Variants in IL20RA observed in about 807,000 individuals in gnomAD.
The protein encoded by IL20RA is interleukin 20 receptor subunit alpha.
IL20RA carries 29 observed loss-of-function variants against 36.5 expected under a neutral mutation model. The ratio of observed to expected loss-of-function variants is 0.79; its 90% CI spans 0.59 to 1.08. IL20RA has a LOEUF of 1.08. Among genes scored for constraint, IL20RA ranks in the 50% least tolerant of loss-of-function variants. IL20RA has a pLI of 0.00. For synonymous variants in IL20RA, 279 were observed against 267.1 expected, an observed-to-expected ratio of 1.04 and a Z score of -0.43; for missense variants, 652 against 668.4, an observed-to-expected ratio of 0.98 and a Z score of 0.27.
chr6:137,027,686 A>G (rs537809445), intron 1 of IL20RA, among the ~76,000 whole-genome samples: 1 of 152,362 alleles, frequency 6.6e-6, no homozygotes, highest in South Asian at 2.1e-4. Context: ...GCACAAAGAA[A>G]GAGCTCAGGA....
At chr6:137,023,759 C>T (rs1014779681) in intron 1 of IL20RA, among the ~76,000 whole-genome samples, 1 of 152,186 alleles carries the variant, frequency 6.6e-6, no homozygotes, top group African/African-American at 2.4e-5. Context: ...GCAAGGAATA[C>T]TCATGCTTTT....
At chr6:137,040,556 G>T (rs572492682) in intron 1 of IL20RA, among the ~76,000 whole-genome samples, 73 of 152,230 alleles carry the variant, frequency 4.8e-4, no homozygotes, top group Non-Finnish European at 9.3e-4. Flanking sequence ...AAAAAGATGG[G>T]GTTCCTTAGA....
chr6:137,014,262 A>T (rs1049929257), intron 2 of IL20RA, among the ~76,000 whole-genome samples: 6 of 152,056 alleles, frequency 3.9e-5, no homozygotes, highest in Non-Finnish European at 7.4e-5. Context: ...AATATGGTAA[A>T]TTTTTTTAAT....
At chr6:137,026,380 CAG>C (rs1776090146) in intron 1 of IL20RA, among the ~76,000 whole-genome samples, 1 of 152,166 alleles carries the variant, frequency 6.6e-6, no homozygotes, top group Non-Finnish European at 1.5e-5. Flanking sequence ...TGAAGTGGAA[CAG>C]CTTGAACTAC....
At chr6:137,044,523 GC>G in intron 1 of IL20RA, 117 bp downstream of exon 1, 6 of 1,074,448 alleles carry the variant, frequency 5.6e-6, no homozygotes, top group Non-Finnish European at 7.0e-6. Context: ...TCCTCTGCCC[GC>G]CCGAAAGCGA....
intron 4 of IL20RA, 138 bp downstream of exon 4, chr6:137,009,179 T>G: frequency 1.3e-6 from 1 of 786,696 alleles, no homozygotes; most frequent in Non-Finnish European, 2.2e-6. Flanking sequence ...ATATAGAACT[T>G]TATTTTGTGC....
chr6:137,032,041 A>C (rs1776306947), intron 1 of IL20RA, among the ~76,000 whole-genome samples: 1 of 147,592 alleles, frequency 6.8e-6, no homozygotes, highest in South Asian at 2.2e-4. Flanking sequence ...CGACAGAGCA[A>C]GATTCTGTCT....
In IL20RA at chr6:137,006,726, CTT is replaced by C. The variant is rs35093154; in HGVS notation, c.724+1871_724+1872del. 6.4e-3 allele frequency among the ~76,000 whole-genome samples: 920 copies of C among 144,346 alleles called. 43 individuals are homozygous for C. In the South Asian group the frequency reaches 0.15, roughly 23 times the overall value. The allele number at this position is 144,346 out of a possible 152,430, so 94.7% of individuals were successfully genotyped here. On this transcript the variant is annotated intron_variant, in intron 5 of 6. Coordinates refer to ENST00000316649, the MANE Select transcript of IL20RA (RefSeq NM_014432.4). ...CTTATTATTCCGTTAATTTTTCTTT[CTT>C]TTTTTTTTTTTTGAGACAGGGTTTC... is the stretch of plus-strand genomic sequence containing the variant.
chr6:137,043,439 T>C (rs1776774624), intron 1 of IL20RA, among the ~76,000 whole-genome samples: 1 of 152,204 alleles, frequency 6.6e-6, no homozygotes, highest in African/African-American at 2.4e-5. Context: ...AACAAATTTC[T>C]GTCTGTTAGT....
intron 1 of IL20RA, among the ~76,000 whole-genome samples, chr6:137,025,533 T>C (rs1776055620): frequency 6.6e-6 from 1 of 152,270 alleles, no homozygotes; most frequent in Non-Finnish European, 1.5e-5. Flanking sequence ...GAAATTCTTC[T>C]AGCCCAGCTT....
Position 137,002,173 on chromosome 6 carries a change from C to A in IL20RA, c.1047G>T (p.Arg349Ser), listed in dbSNP as rs1225825815. 6.2e-7 allele frequency: 1 copy of A among 1,614,006 alleles called. No individual in the cohort carries two copies. The highest frequency in any genetic ancestry group is 8.5e-7 in the Non-Finnish European group (1 of 1,180,006). The change falls in exon 7 of 7, where the codon AGG becomes AGT. Residue 349 changes from arginine to serine, a missense_variant. Physicochemically the swap from Arg to Ser is moderately radical, Grantham distance 110. Coordinates refer to ENST00000316649, the MANE Select transcript of IL20RA (RefSeq NM_014432.4). ...TCACCTCCTCTTCCTCCTGAGGGGG[C>A]CTCAGGTTCCCGCTGGGCTGAGGAT... ...LNDPQPSGNL[R>S]PPQEEEEVKH... is the part of the protein sequence containing the mutation.
intron 1 of IL20RA, chr6:137,044,143 G>C (rs984491019): frequency 4.1e-6 from 4 of 985,612 alleles, no homozygotes; most frequent in Non-Finnish European, 4.8e-6. Context: ...TGACCCTTTC[G>C]GGGAGTTTGG....
chr6:137,004,753 T>G lies in IL20RA; in HGVS notation c.732A>C (p.Ser244=), dbSNP rs1775218332. The change falls in exon 6 of 7, where the codon TCA becomes TCC. Residue 244 remains serine, a synonymous_variant. Transcript: ENST00000316649. ...KQCARTLKDQ[S]SEFKAKIIFW... ...AGATGATTTTAGCCTTGAACTCTGA[T>G]GATTGATCTGTAAAAAAAAAAAAAA... 6.5e-7 allele frequency: 1 copy of G among 1,533,778 alleles called. No individual in the cohort carries two copies. The highest frequency in any genetic ancestry group is 2.4e-5 in the Admixed American group (1 of 41,248).
At chr6:137,026,051 G>A (rs1367527552) in intron 1 of IL20RA, among the ~76,000 whole-genome samples, 1 of 152,206 alleles carries the variant, frequency 6.6e-6, no homozygotes, top group East Asian at 1.9e-4. Context: ...AGACTGGACA[G>A]CCAAATGTGA....
intron 4 of IL20RA, 26 bp from the exon 5 acceptor site, chr6:137,008,769 G>T (rs1471385474): frequency 4.1e-5 from 62 of 1,525,708 alleles, no homozygotes; most frequent in Non-Finnish European, 5.1e-5. Context: ...GCAAACATTG[G>T]TTAGAGCCAG....
At chr6:137,041,422 G>A (rs1459616445) in intron 1 of IL20RA, among the ~76,000 whole-genome samples, 4 of 152,170 alleles carry the variant, frequency 2.6e-5, no homozygotes, top group African/African-American at 9.7e-5. Context: ...CCAGGTGAGA[G>A]GGATATGGGA....
intron 1 of IL20RA, among the ~76,000 whole-genome samples, chr6:137,043,277 T>A (rs2115434471): frequency 6.6e-6 from 1 of 152,170 alleles, no homozygotes; most frequent in Admixed American, 6.5e-5. Flanking sequence ...TTTTTTAATG[T>A]TTAGTATAGA....
chr6:137,001,678 C>T lies in IL20RA; in HGVS notation c.1542G>A (p.Glu514=). 1.2e-6 allele frequency: 2 copies of T among 1,614,164 alleles called. No individual in the cohort carries two copies. Among genetic ancestry groups the T allele is most frequent in the Non-Finnish European group, 1.7e-6 (2 of 1,179,994 alleles). ...CATAGAGTCTAGATAGAAGACCCTC[C>T]TCTCCGAGCCCATCCCCCTCAGAAG... ...CEPSEGDGLG[E]EGLLSRLYEE... Residue 514 remains glutamate, a synonymous_variant, in exon 7 of 7, where the codon GAG becomes GAA. Coordinates refer to ENST00000316649, the MANE Select transcript of IL20RA (RefSeq NM_014432.4).
intron 1 of IL20RA, among the ~76,000 whole-genome samples, chr6:137,028,199 C>T (rs560457064): frequency 1.3e-5 from 2 of 152,250 alleles, no homozygotes; most frequent in African/African-American, 4.8e-5. Flanking sequence ...GGTTGGATCA[C>T]CTGAGGTCAG....
Sources: allele counts gnomAD v4.1 joint callset (sites outside exome capture counted in the v4.1 genomes callset), GRCh38; gene constraint gnomAD v4.1.1; transcripts MANE v1.5; gene names NCBI Gene and HGNC (gene_info 2026-07-23, HGNC 2026-07-21).